DNAH9: variants seen among roughly 807,000 people sequenced by gnomAD.
The protein encoded by DNAH9 is dynein axonemal heavy chain 9, also known as DNAH9 variant protein.
A neutral mutation model predicts 471.6 loss-of-function variants in DNAH9; 345 were observed. The observed-to-expected ratio is 0.73, with a 90% CI of 0.67 to 0.80. The LOEUF is 0.80. Ranked by LOEUF, DNAH9 falls within the 30% of genes least tolerant of loss-of-function variation. DNAH9 has a pLI of 0.00. For synonymous variants in DNAH9, 2,093 were observed against 2,123.6 expected, an observed-to-expected ratio of 0.99 and a Z score of 0.40; for missense variants, 5,407 against 5,609.2, an observed-to-expected ratio of 0.96 and a Z score of 1.15.
At chr17:11,968,381 A>T (rs978428682) in intron 68 of DNAH9, among the ~76,000 whole-genome samples, 1 of 152,208 alleles carries the variant, frequency 6.6e-6, no homozygotes, top group Admixed American at 6.5e-5. Flanking sequence ...CAAATAAACC[A>T]AACTTTGTCC....
chr17:11,598,807 C>A lies in DNAH9; in HGVS notation c.309C>A (p.Phe103Leu), dbSNP rs200554258. The stretch of plus-strand genomic sequence containing the variant: ...TGGCTGGCGCTAAGGCGCTTTTTTT[C>A]CTTCGCACCGGGCCCGAGCCTCCAG... ...SGLAGAKALF[F>L]LRTGPEPPGP... Residue 103 changes from phenylalanine to leucine, a missense_variant, in exon 1 of 69, where the codon TTC becomes TTA. Phe to Leu is a conservative substitution (Grantham distance 22). Transcript: ENST00000262442. 900 of 1,479,812 alleles carry A rather than the reference C, an allele frequency of 6.1e-4. 6 individuals carry two copies. In the African/African-American group the frequency reaches 0.012, roughly 20 times the overall value. The allele number at this position is 1,479,812 out of a possible 1,614,324, so 91.7% of individuals were successfully genotyped here. A position where few individuals can be genotyped will look rare whatever the true frequency, so the allele number is the denominator to read the frequency against.
intron 17 of DNAH9, among the ~76,000 whole-genome samples, chr17:11,671,758 A>G (rs1201767686): frequency 6.6e-6 from 1 of 152,234 alleles, no homozygotes; most frequent in African/African-American, 2.4e-5. Flanking sequence ...TCAAAAACAC[A>G]TGGTTGATAC....
At chr17:11,763,751 C>A in intron 36 of DNAH9, 137 bp downstream of exon 36, 2 of 819,580 alleles carry the variant, frequency 2.4e-6, no homozygotes, top group Non-Finnish European at 3.8e-6. Context: ...AGTCATCTAC[C>A]TATTACTCTG....
In DNAH9 at chr17:11,739,299, G is replaced by A. The variant is rs60512924; in HGVS notation, c.5972+262G>A. 4.1e-3 allele frequency among the ~76,000 whole-genome samples: 627 copies of A among 152,032 alleles called. 4 individuals are homozygous for A. The highest frequency in any genetic ancestry group is 0.014 in the African/African-American group (596 of 41,470). ...CATAGTTTCGTGTTGTTTTTATTTC[G>A]TAGTCTCTCATAATCATATCCTAAA... On this transcript the variant is annotated intron_variant, in intron 29 of 68. Transcript: ENST00000262442.
At chr17:11,873,818 G>A (rs1343729851) in intron 52 of DNAH9, among the ~76,000 whole-genome samples, 1 of 152,056 alleles carries the variant, frequency 6.6e-6, no homozygotes, top group Non-Finnish European at 1.5e-5. Context: ...TAGAGCCGAT[G>A]GCTGCATAAT....
At chr17:11,794,872 A>T (rs926902614) in intron 42 of DNAH9, among the ~76,000 whole-genome samples, 1 of 142,952 alleles carries the variant, frequency 7.0e-6, no homozygotes, top group Non-Finnish European at 1.5e-5. Context: ...TAAGGCATTA[A>T]CGTTCTGCAC....
chr17:11,741,620 T>TAAAA (rs2075434339), intron 29 of DNAH9, among the ~76,000 whole-genome samples: 1 of 152,194 alleles, frequency 6.6e-6, no homozygotes, highest in Admixed American at 6.5e-5. Context: ...CAGTTACTTT[T>TAAAA]GGACCCACTT....
At chr17:11,916,831 G>A (rs979146039) in intron 61 of DNAH9, among the ~76,000 whole-genome samples, 7 of 152,012 alleles carry the variant, frequency 4.6e-5, no homozygotes, top group Non-Finnish European at 8.8e-5. Context: ...TTGTTCCTTG[G>A]TCCTTCCTCC....
chr17:11,746,058 T>C (rs1342588465), intron 31 of DNAH9, among the ~76,000 whole-genome samples: 1 of 152,224 alleles, frequency 6.6e-6, no homozygotes, highest in Non-Finnish European at 1.5e-5. Flanking sequence ...CTGAACAGAA[T>C]GACTTCAAAT....
intron 45 of DNAH9, among the ~76,000 whole-genome samples, chr17:11,819,283 G>A (rs1188616522): frequency 2.6e-5 from 4 of 152,044 alleles, no homozygotes; most frequent in African/African-American, 9.7e-5. Context: ...AGGTATCACC[G>A]CTTTCCCAAA....
chr17:11,835,299 T>C (rs1970813694), intron 49 of DNAH9, among the ~76,000 whole-genome samples: 1 of 152,232 alleles, frequency 6.6e-6, no homozygotes, highest in African/African-American at 2.4e-5. Flanking sequence ...AGGACCATTT[T>C]GCCCTTTAGG....
intron 66 of DNAH9, among the ~76,000 whole-genome samples, chr17:11,939,831 G>GATTC (rs1178111919): frequency 1.3e-5 from 2 of 151,974 alleles, no homozygotes; most frequent in Non-Finnish European, 2.9e-5. Flanking sequence ...TGGATGGATG[G>GATTC]ATGGATGGAT....
intron 38 of DNAH9, among the ~76,000 whole-genome samples, chr17:11,774,179 A>C (rs920672348): frequency 4.6e-5 from 7 of 151,634 alleles, no homozygotes; most frequent in African/African-American, 1.7e-4. Flanking sequence ...CAGCTAATAC[A>C]CCACCCCTGT....
intron 30 of DNAH9, among the ~76,000 whole-genome samples, 192 bp from the exon 31 acceptor site, chr17:11,744,605 A>G (rs570664708): frequency 6.6e-6 from 1 of 152,288 alleles, no homozygotes; most frequent in East Asian, 1.9e-4. Context: ...TGTCATCACA[A>G]CTGGAAAAGT....
Position 11,937,677 on chromosome 17 carries a change from C to T in DNAH9, c.12660+155C>T, listed in dbSNP as rs564795833. Among the ~76,000 whole-genome samples, 11 of 152,274 alleles carry T rather than the reference C, an allele frequency of 7.2e-5. No individual in the cohort carries two copies. The highest frequency in any genetic ancestry group is 6.5e-4 in the Admixed American group (10 of 15,306). On this transcript the variant is annotated intron_variant, in intron 66 of 68. Coordinates refer to ENST00000262442, the MANE Select transcript of DNAH9 (RefSeq NM_001372.4). This position sits in a 1 kb window ranked among gnomAD's most constrained non-coding sequence, Gnocchi z 4.1. ...CCTGGAGATGCTTGCCTGTCACCGC[C>T]AAGAGCCTCTCCCCTCCCGTCATCA... is the stretch of plus-strand genomic sequence containing the variant.
At position 11,669,536 on chromosome 17, in the gene DNAH9, G is replaced by A; in HGVS notation, c.3095G>A (p.Gly1032Glu). 6.2e-7 allele frequency: 1 copy of A among 1,614,084 alleles called. No individual in the cohort carries two copies. Among genetic ancestry groups the A allele is most frequent in the Non-Finnish European group, 8.5e-7 (1 of 1,180,030 alleles). The change falls in exon 17 of 69, where the codon GGG becomes GAG. Residue 1032 changes from glycine (G) to glutamate (E), a missense_variant. Coordinates refer to ENST00000262442, the MANE Select transcript of DNAH9 (RefSeq NM_001372.4). ...KEVLGQFLLY[G>E]HILTPEEIED... ...GTTCTGGGTCAGTTTCTGCTGTACG[G>A]GCACATCCTCACTCCGGAAGAAATT...
intron 67 of DNAH9, among the ~76,000 whole-genome samples, chr17:11,960,199 G>T (rs1430462776): frequency 6.6e-6 from 1 of 152,048 alleles, no homozygotes; most frequent in African/African-American, 2.4e-5. Flanking sequence ...ATTTTGGGAG[G>T]CCAAGGCGGG....
At chr17:11,828,473 CAAAA>C (rs56689551) in intron 48 of DNAH9, among the ~76,000 whole-genome samples, 3 of 125,884 alleles carry the variant, frequency 2.4e-5, no homozygotes, top group African/African-American at 6.1e-5. Context: ...AACTCCGTCT[CAAAA>C]AAAAAAAAAA....
Position 11,768,571 on chromosome 17 carries a change from A to G in DNAH9, c.7289A>G (p.Glu2430Gly). 1 of 1,614,090 alleles carries G rather than the reference A, an allele frequency of 6.2e-7. No homozygotes were observed. Among genetic ancestry groups the G allele is most frequent in the Non-Finnish European group, 8.5e-7 (1 of 1,180,018 alleles). Residue 2430 changes from glutamate (E) to glycine (G), a missense_variant, in exon 37 of 69, where the codon GAG (glutamate) becomes GGG (glycine). Coordinates refer to ENST00000262442, the MANE Select transcript of DNAH9 (RefSeq NM_001372.4). ...YYIDPETKKF[E>G]PWSKLVPQFE... The stretch of plus-strand genomic sequence containing the variant: ...ATCGACCCAGAGACCAAGAAATTCG[A>G]GCCTTGGTCCAAGCTCGTCCCCCAG...
Sources: gnomAD v4.1 joint callset for allele counts (sites outside exome capture counted in the v4.1 genomes callset) on GRCh38, gnomAD v4.1.1 for gene constraint, Gnocchi (gnomAD v3.1) non-coding constraint, MANE v1.5 for transcripts, NCBI Gene and HGNC (gene_info 2026-07-23, HGNC 2026-07-21) for gene names.